Variants in KSR2 observed in about 807,000 individuals in gnomAD.
KSR2 encodes kinase suppressor of ras 2.
A neutral mutation model predicts 107.8 loss-of-function variants in KSR2; 25 were observed. That is an observed-to-expected ratio of 0.23 (90% CI 0.17 to 0.32). The LOEUF (loss-of-function observed/expected upper bound fraction) is 0.32. Among genes scored for constraint, KSR2 ranks in the 10% least tolerant of loss-of-function variants. The pLI is 1.00. For synonymous variants in KSR2, 480 were observed against 507.0 expected, an observed-to-expected ratio of 0.95 and a Z score of 0.71; for missense variants, 887 against 1,268.9, an observed-to-expected ratio of 0.70 and a Z score of 4.57.
intron 4 of KSR2, among the ~76,000 whole-genome samples, chr12:117,728,098 G>A (rs1445277814): frequency 6.6e-6 from 1 of 152,174 alleles, no homozygotes; most frequent in East Asian, 1.9e-4. Flanking sequence ...TTTCTGGGGT[G>A]GAGGAGAAAT....
At chr12:117,794,195 C>A (rs1400554673) in intron 3 of KSR2, among the ~76,000 whole-genome samples, 15 of 115,886 alleles carry the variant, frequency 1.3e-4, no homozygotes, top group African/African-American at 1.4e-4. Flanking sequence ...TGCACACACA[C>A]CATGCACACA....
rs950214436 is a variant in KSR2, at chr12:117,897,141, G to A, written c.181-36710C>T. On this transcript the variant is annotated intron_variant, in intron 1 of 19. Coordinates refer to ENST00000339824, the MANE Select transcript of KSR2 (RefSeq NM_173598.6). This position sits in a 1 kb window ranked among gnomAD's most constrained non-coding sequence, Gnocchi z 4.5. ...CTTGAGGGAGTAGCGGAGCAGCCAC[G>A]TGTTCGTCATCAGGAATTATTGTTT... 6.6e-6 allele frequency among the ~76,000 whole-genome samples: 1 copy of A among 152,166 alleles called. No homozygotes were observed. Among genetic ancestry groups the A allele is most frequent in the Non-Finnish European group, 1.5e-5 (1 of 68,036 alleles).
intron 4 of KSR2, among the ~76,000 whole-genome samples, chr12:117,675,187 T>C (rs908241726): frequency 5.9e-5 from 9 of 152,196 alleles, no homozygotes; most frequent in African/African-American, 2.2e-4. Context: ...CAGAGGAATG[T>C]CTGTCTCCCC....
chr12:117,936,533 T>TTATTATTAG (rs1555258977), intron 1 of KSR2, among the ~76,000 whole-genome samples: 31 of 119,684 alleles, frequency 2.6e-4, no homozygotes, highest in South Asian at 1.7e-3. Context: ...ATTATTATTA[T>TTATTATTAG]TAGTAGTAGT....
intron 15 of KSR2, among the ~76,000 whole-genome samples, chr12:117,485,208 C>A (rs1872396160): frequency 6.6e-6 from 1 of 152,082 alleles, no homozygotes; most frequent in Non-Finnish European, 1.5e-5. Context: ...AAAACAACAC[C>A]CAACAATTTG....
intron 3 of KSR2, among the ~76,000 whole-genome samples, chr12:117,848,795 G>GTAACAACGGTGATGGTGGTGGGTGGTGA (rs1356048517): frequency 8.2e-6 from 1 of 122,666 alleles, no homozygotes; most frequent in African/African-American, 5.3e-5. Context: ...GGTGGTGATG[G>GTAACAACGGTGATGGTGGTGGGTGGTGA]TGGTAACAAC....
intron 10 of KSR2, 134 bp from the exon 11 acceptor site, chr12:117,531,841 C>A: frequency 1.7e-6 from 1 of 593,812 alleles, no homozygotes; most frequent in East Asian, 3.2e-5. Context: ...CTGCAGACAT[C>A]CCTGCAGACA....
At chr12:117,942,571 C>G (rs2137538759) in intron 1 of KSR2, among the ~76,000 whole-genome samples, 1 of 151,342 alleles carries the variant, frequency 6.6e-6, no homozygotes, top group Non-Finnish European at 1.5e-5. Context: ...TCACTGCTGC[C>G]TCAACCTCCC....
chr12:117,835,105 C>G (rs1272721666), intron 3 of KSR2, among the ~76,000 whole-genome samples: 1 of 152,152 alleles, frequency 6.6e-6, no homozygotes, highest in African/African-American at 2.4e-5. Flanking sequence ...GACCAAGACA[C>G]CAGGCTCAGT....
chr12:117,582,768 T>C lies in KSR2; in HGVS notation c.1172-409A>G, dbSNP rs7308456. ...CTTGGAGAGGGGAAGTCACTTGCTC[T>C]AGGTCATATACCTTAGAAGCCGCAC... On this transcript the variant is annotated intron_variant, in intron 5 of 19. Transcript: ENST00000339824. 9.8e-3 allele frequency among the ~76,000 whole-genome samples: 1,499 copies of C among 152,320 alleles called. 33 individuals carry two copies. The highest frequency in any genetic ancestry group is 0.033 in the African/African-American group (1,370 of 41,566).
At chr12:117,631,960 G>A (rs1882826343) in intron 5 of KSR2, among the ~76,000 whole-genome samples, 1 of 152,108 alleles carries the variant, frequency 6.6e-6, no homozygotes, top group Admixed American at 6.6e-5. Flanking sequence ...GTATCAGGAT[G>A]GAGTAATACA....
chr12:117,892,689 A>G (rs1247120729), intron 1 of KSR2, among the ~76,000 whole-genome samples: 1 of 150,890 alleles, frequency 6.6e-6, no homozygotes, highest in African/African-American at 2.4e-5. Flanking sequence ...CCAACTGCAG[A>G]GCTAAGTAGT....
chr12:117,793,870 TATGCACACATACAAC>T (rs1210880597), intron 3 of KSR2, among the ~76,000 whole-genome samples: 1,280 of 105,010 alleles, frequency 0.012, 11 homozygotes, highest in Non-Finnish European at 0.017. Context: ...TATACACCAA[TATGCACACATACAAC>T]ATGCACACAC....
rs1428276855 is a variant in KSR2 at position 117,899,822 on chromosome 12, C to T, written c.181-39391G>A. ...GATTTTCTTGCTGGCCTTGAAGAAG[C>T]AAACAGCCACGTTGTGAACATGAAA... is the stretch of plus-strand genomic sequence containing the variant. On this transcript the variant is annotated intron_variant, in intron 1 of 19. Transcript: ENST00000339824. Among the ~76,000 whole-genome samples the T allele has an allele frequency of 6.6e-5, 10 of 152,168 alleles. No homozygotes were observed. The East Asian group carries it at 1.9e-3, about 29-fold the overall frequency.
In KSR2 at chr12:117,459,791, CG is replaced by C. The variant is rs1439354304; in HGVS notation, c.*7407del. On this transcript the variant is annotated 3_prime_UTR_variant, in exon 20 of 20. Coordinates refer to ENST00000339824, the MANE Select transcript of KSR2 (RefSeq NM_173598.6). ...GAACCACTGTCCACATGGATGGAATCGGGCTCTAAGCTACCTTTCTCATCTC... is the reference window on the plus strand; with the variant it reads ...GAACCACTGTCCACATGGATGGAATCGGCTCTAAGCTACCTTTCTCATCTC... 1.1e-4 allele frequency: 17 copies of C among 152,308 alleles called. No individual in the cohort carries two copies. The highest frequency in any genetic ancestry group is 9.8e-4 in the Admixed American group (15 of 15,300). 9.4% of individuals were successfully genotyped at this position (152,308 alleles called of 1,614,324 possible).
At chr12:117,942,840 T>C (rs191660389) in intron 1 of KSR2, among the ~76,000 whole-genome samples, 58 of 152,216 alleles carry the variant, frequency 3.8e-4, no homozygotes, top group African/African-American at 1.4e-3. Context: ...TTTACAAAGA[T>C]TCCATTTCAA....
intron 1 of KSR2, among the ~76,000 whole-genome samples, chr12:117,874,991 G>A (rs951535656): frequency 6.6e-6 from 1 of 152,154 alleles, no homozygotes; most frequent in Non-Finnish European, 1.5e-5. Flanking sequence ...CGGAGCTGGA[G>A]CCCGGAGGTG....
chr12:117,901,266 A>C (rs1894673638), intron 1 of KSR2, among the ~76,000 whole-genome samples: 1 of 152,030 alleles, frequency 6.6e-6, no homozygotes, highest in African/African-American at 2.4e-5. Flanking sequence ...AATACAAATA[A>C]ACTATGCGAT....
intron 1 of KSR2, among the ~76,000 whole-genome samples, chr12:117,918,432 T>A (rs1053195493): frequency 4.6e-5 from 7 of 152,202 alleles, no homozygotes; most frequent in Non-Finnish European, 8.8e-5. Flanking sequence ...CCCTATCACC[T>A]GCTTGCCTGC....
Sources: allele counts gnomAD v4.1 joint callset (sites outside exome capture counted in the v4.1 genomes callset), GRCh38; gene constraint gnomAD v4.1.1; non-coding constraint Gnocchi (gnomAD v3.1); transcripts MANE v1.5; gene names NCBI Gene and HGNC (gene_info 2026-07-23, HGNC 2026-07-21).